WHAMM: variants seen among roughly 807,000 people sequenced by gnomAD.
The protein encoded by WHAMM is WASP homolog-associated protein with actin, membranes and microtubules.
In WHAMM, 67 loss-of-function variants were observed where a neutral mutation model predicts 76.5. The ratio of observed to expected loss-of-function variants is 0.88; its 90% confidence interval spans 0.72 to 1.07. The LOEUF (loss-of-function observed/expected upper bound fraction) is 1.07. Among genes scored for constraint, WHAMM ranks in the 50% least tolerant of loss-of-function variants. The pLI, the probability that WHAMM is intolerant of heterozygous loss-of-function variation, is 0.00. For synonymous variants in WHAMM, 419 were observed against 422.1 expected (o/e 0.99, Z 0.09); for missense variants, 1,021 against 1,051.1 (o/e 0.97, Z 0.40).
In WHAMM at chr15:82,833,695, TTTTTTC is replaced by T; in HGVS notation, c.*165_*170del. On this transcript the variant is annotated 3_prime_UTR_variant, in exon 10 of 10. Coordinates refer to ENST00000286760, the MANE Select transcript of WHAMM (RefSeq NM_001080435.3). ...TGTAGGCTGCTGCAGCATTTTTTTT[TTTTTTC>T]TTTTTTGAGATGGAGTCTCACTCTG... 1.2e-6 allele frequency: 1 copy of T among 810,900 alleles called. No individual in the cohort carries two copies. The highest frequency in any genetic ancestry group is 1.9e-6 in the Non-Finnish European group (1 of 534,832). 50.2% of individuals were successfully genotyped at this position (810,900 alleles called of 1,614,324 possible).
At chr15:82,815,139 AT>A (rs1178637797) in intron 2 of WHAMM, among the ~76,000 whole-genome samples, 1,449 of 38,092 alleles carry the variant, frequency 0.038, 108 homozygotes, top group African/African-American at 0.19. Flanking sequence ...ATATATATAT[AT>A]ATATATATAT....
intron 7 of WHAMM, 102 bp downstream of exon 7, chr15:82,826,598 C>G: frequency 6.3e-7 from 1 of 1,581,922 alleles, no homozygotes; most frequent in African/African-American, 1.3e-5. Context: ...CTGCAGCTGT[C>G]AGCCATTAGC....
At chr15:82,815,138 T>TA (rs2050702960) in intron 2 of WHAMM, among the ~76,000 whole-genome samples, 1 of 35,092 alleles carries the variant, frequency 2.8e-5, no homozygotes, top group East Asian at 9.8e-4. Context: ...TATATATATA[T>TA]ATATATATAT....
chr15:82,817,569 C>A (rs529716173), intron 3 of WHAMM, among the ~76,000 whole-genome samples: 119 of 152,036 alleles, frequency 7.8e-4, no homozygotes, highest in African/African-American at 2.5e-3. Flanking sequence ...TGTGCAGAAT[C>A]AACAAGATAG....
chr15:82,815,677 A>G lies in WHAMM; in HGVS notation c.784-1015A>G, dbSNP rs1391527415. Reference sequence around the variant, plus strand: ...AAGTGGGTGCATATTTTATATTCCCAAAAGCAGTAAATGAGGGTTCCGGTT... The same window carrying G: ...AAGTGGGTGCATATTTTATATTCCCGAAAGCAGTAAATGAGGGTTCCGGTT... On this transcript the variant is annotated intron_variant, in intron 2 of 9. Transcript: ENST00000286760. Among the ~76,000 whole-genome samples the G allele has an allele frequency of 5.3e-5, 8 of 152,332 alleles. No individual in the cohort carries two copies. In the East Asian group the frequency reaches 1.5e-3, roughly 29 times the overall value.
intron 5 of WHAMM, among the ~76,000 whole-genome samples, chr15:82,819,981 C>A (rs1325975576): frequency 1.3e-5 from 2 of 151,376 alleles, no homozygotes; most frequent in Non-Finnish European, 2.9e-5. Flanking sequence ...AAGATCGTGC[C>A]ACTCCACTCT....
chr15:82,824,977 G>A (rs1442300023), intron 6 of WHAMM, among the ~76,000 whole-genome samples: 1 of 152,010 alleles, frequency 6.6e-6, no homozygotes, highest in Non-Finnish European at 1.5e-5. Context: ...AACACAGTGA[G>A]ACCTCATCTC....
At position 82,822,357 on chromosome 15, in the gene WHAMM, TAGTGGAAC is replaced by T. The variant is rs541445522; in HGVS notation, c.1271-741_1271-734del. Among the ~76,000 whole-genome samples, 367 of 152,334 alleles carry T rather than the reference TAGTGGAAC, an allele frequency of 2.4e-3. 4 individuals carry two copies. Among genetic ancestry groups the T allele is most frequent in the African/African-American group, 8.5e-3 (352 of 41,576 alleles). On this transcript the variant is annotated intron_variant, in intron 5 of 9. Transcript: ENST00000286760. ...ATGTTCATCACAGTGAAATGAATAA[TAGTGGAAC>T]ATTGGAACAGCCTAACAACATGGAC... is the stretch of plus-strand genomic sequence containing the variant.
chr15:82,828,833 G>A lies in WHAMM; in HGVS notation c.1642-1766G>A, dbSNP rs1294360290. Among the ~76,000 whole-genome samples the A allele has an allele frequency of 3.3e-5, 5 of 152,222 alleles. No individual in the cohort carries two copies. In the South Asian group the frequency reaches 8.3e-4, roughly 25 times the overall value. On this transcript the variant is annotated intron_variant, in intron 8 of 9. Coordinates refer to ENST00000286760, the MANE Select transcript of WHAMM (RefSeq NM_001080435.3). ...TGCACTTGCATGGGGTGATAGGAAA[G>A]TCTGTGTGGCTTAAATTTTGGGTAA...
chr15:82,822,213 T>C (rs2050840134), intron 5 of WHAMM, among the ~76,000 whole-genome samples: 1 of 152,294 alleles, frequency 6.6e-6, no homozygotes, highest in Non-Finnish European at 1.5e-5. Context: ...CTTAATAATA[T>C]ATTGCTGGTA....
chr15:82,818,835 G>T (rs1372064733), intron 4 of WHAMM, among the ~76,000 whole-genome samples: 3 of 152,210 alleles, frequency 2.0e-5, no homozygotes, highest in Non-Finnish European at 2.9e-5. Context: ...GTCCGGTGAG[G>T]ATCCTCTTCC....
At chr15:82,828,881 C>T (rs2050981355) in intron 8 of WHAMM, among the ~76,000 whole-genome samples, 1 of 152,040 alleles carries the variant, frequency 6.6e-6, no homozygotes, top group African/African-American at 2.4e-5. Flanking sequence ...ATTCAGTTTC[C>T]TTCAGTTTAA....
At chr15:82,826,647 A>G in intron 7 of WHAMM, 104 bp from the exon 8 acceptor site, 2 of 1,547,148 alleles carry the variant, frequency 1.3e-6, no homozygotes, top group South Asian at 2.4e-5. Context: ...TGGGGTGGTA[A>G]TGTTGGGGTA....
chr15:82,830,363 A>G (rs184650154), intron 8 of WHAMM, among the ~76,000 whole-genome samples: 2 of 152,262 alleles, frequency 1.3e-5, no homozygotes, highest in Non-Finnish European at 2.9e-5. Context: ...ATGCTTTCAT[A>G]TCTTCATTTT....
chr15:82,830,902 C>T lies in WHAMM; in HGVS notation c.1945C>T (p.Pro649Ser). The T allele has an allele frequency of 2.5e-6, 4 of 1,583,172 alleles. No homozygotes were observed. Among genetic ancestry groups the T allele is most frequent in the Non-Finnish European group, 2.6e-6 (3 of 1,164,728 alleles). ...PPPPPPPPPPPPPPPPPPPPL... is the reference protein window; with the variant it reads ...PPPPPPPPPPSPPPPPPPPPL... ...ACCTCCTCCTCCTCCACCACCACCA[C>T]CGCCGCCACCGCCGCCCCCACCCCC... Residue 649 changes from proline to serine, a missense_variant, in exon 9 of 10, where the codon CCG (proline) becomes TCG (serine). Physicochemically the swap from Pro to Ser is moderately conservative, Grantham distance 74 (BLOSUM62 -1). Transcript: ENST00000286760.
chr15:82,810,200 C>T lies in WHAMM; in HGVS notation c.474C>T (p.Asp158=), dbSNP rs752799621. The change falls in exon 1 of 10, where the codon GAC becomes GAT. Residue 158 remains aspartate, a synonymous_variant. Transcript: ENST00000286760. The part of the protein sequence containing the change: ...QLERYLGAAA[D]GCGGATVRDA... ...AACGCTATCTGGGCGCGGCGGCCGA[C>T]GGCTGCGGCGGCGCCACAGTGCGCG... 7.1e-6 allele frequency: 10 copies of T among 1,407,438 alleles called. No homozygotes were observed. Among genetic ancestry groups the T allele is most frequent in the South Asian group, 5.6e-5 (4 of 71,572 alleles). 87.2% of individuals were successfully genotyped at this position (1,407,438 alleles called of 1,614,324 possible). A position where few individuals can be genotyped will look rare whatever the true frequency, so the allele number is the denominator to read the frequency against.
rs1178597971 is a variant in WHAMM, at chr15:82,830,835, TCAAA to T, written c.1881_1884del (p.Gln627HisfsTer47). 1.9e-6 allele frequency: 3 copies of T among 1,597,258 alleles called. No individual in the cohort carries two copies. Among genetic ancestry groups the T allele is most frequent in the East Asian group, 2.3e-5 (1 of 44,334 alleles). ...TCCAGGTTTTTGTTCCAGTTGGTGA[TCAAA>T]CACATTCCAAATCCAGTGAGGAATT... On this transcript the variant is annotated frameshift_variant, in exon 9 of 10. Transcript: ENST00000286760. LOFTEE classifies it high-confidence loss of function.
intron 1 of WHAMM, among the ~76,000 whole-genome samples, chr15:82,812,353 C>T (rs1351193313): frequency 6.6e-6 from 1 of 152,222 alleles, no homozygotes; most frequent in Non-Finnish European, 1.5e-5. Context: ...CTCAGCCTCT[C>T]CAGTAGCTGG....
At position 82,831,604 on chromosome 15, in the gene WHAMM, A is replaced by C. The variant is rs560960216; in HGVS notation, c.2122+525A>C. On this transcript the variant is annotated intron_variant, in intron 9 of 9. Coordinates refer to ENST00000286760, the MANE Select transcript of WHAMM (RefSeq NM_001080435.3). ...ACCCTTACTATTGGAAATCTTTCTA[A>C]AGTGCAATGGGACAGAAAGAAAAAG... Among the ~76,000 whole-genome samples, 4 of 152,336 alleles carry C rather than the reference A, an allele frequency of 2.6e-5. No homozygotes were observed. In the East Asian group the frequency reaches 7.7e-4, roughly 29 times the overall value.
Sources: gnomAD v4.1 joint callset for allele counts (sites outside exome capture counted in the v4.1 genomes callset) on GRCh38, gnomAD v4.1.1 for gene constraint, MANE v1.5 for transcripts, NCBI Gene and HGNC (gene_info 2026-07-23, HGNC 2026-07-21) for gene names.